Variants in PKIG observed in about 807,000 individuals in gnomAD.
The protein encoded by PKIG is protein kinase (cAMP-dependent, catalytic) inhibitor gamma.
A neutral mutation model predicts 6.8 loss-of-function variants in PKIG; 1 was observed. The ratio of observed to expected loss-of-function variants is 0.15; its 90% confidence interval spans 0.05 to 0.69. PKIG has a LOEUF of 0.69. Ranked by LOEUF, PKIG falls within the 30% of genes least tolerant of loss-of-function variation. The probability of loss-of-function intolerance (pLI) is 0.82; values close to 1 mark genes in which losing one functional copy is unlikely to be tolerated. For missense variants in PKIG, 77 were observed against 104.0 expected, an observed-to-expected ratio of 0.74 and a Z score of 1.13; for synonymous variants, 39 against 43.0, an observed-to-expected ratio of 0.91 and a Z score of 0.36.
At chr20:44,536,271 A>G (rs903601979) in intron 1 of PKIG, among the ~76,000 whole-genome samples, 2 of 152,238 alleles carry the variant, frequency 1.3e-5, no homozygotes, top group Non-Finnish European at 2.9e-5. Context: ...GCAGTGAAAC[A>G]TAAGTGTACT....
intron 3 of PKIG, among the ~76,000 whole-genome samples, 168 bp from the exon 4 acceptor site, chr20:44,618,117 A>T (rs1263983046): frequency 6.6e-6 from 1 of 151,294 alleles, no homozygotes; most frequent in African/African-American, 2.5e-5. Flanking sequence ...AAGATGTTAC[A>T]GACCAGGCTA....
intron 1 of PKIG, among the ~76,000 whole-genome samples, chr20:44,542,538 T>C (rs1568802831): frequency 1.3e-5 from 2 of 152,174 alleles, no homozygotes; most frequent in African/African-American, 4.8e-5. Context: ...TCTCTGCATG[T>C]TATATATGGT....
chr20:44,581,591 T>C (rs2064948753), upstream of PKIG, among the ~76,000 whole-genome samples: 1 of 152,244 alleles, frequency 6.6e-6, no homozygotes. Context: ...TAACCACTGC[T>C]GTTCCATGTT....
At chr20:44,607,852 T>C (rs185501846) in intron 2 of PKIG, among the ~76,000 whole-genome samples, 1 of 151,386 alleles carries the variant, frequency 6.6e-6, no homozygotes, top group South Asian at 2.1e-4. Flanking sequence ...GCCCAGCTAA[T>C]TTTTTGCATT....
intron 2 of PKIG, among the ~76,000 whole-genome samples, chr20:44,602,160 T>A (rs1383795781): frequency 1.3e-5 from 2 of 152,190 alleles, no homozygotes; most frequent in Non-Finnish European, 2.9e-5. Context: ...AAGAAAGAGC[T>A]TCATTCTTTA....
At chr20:44,601,564 G>A (rs369301774) in intron 2 of PKIG, among the ~76,000 whole-genome samples, 33 of 152,296 alleles carry the variant, frequency 2.2e-4, no homozygotes, top group South Asian at 6.2e-4. Context: ...GAGAGAAGCC[G>A]CTACCCTTGA....
rs549166521 is a variant in PKIG at position 44,565,649 on chromosome 20, C to G, written c.-240-16936C>G. On this transcript the variant is annotated intron_variant, in intron 1 of 4. Coordinates refer to the PKIG transcript ENST00000372887. ...TTCTAGTGCAGTTAGATGCAGTTAG[C>G]CCATTCATAATCTTTATATCCTTCA... Among the ~76,000 whole-genome samples, 13 of 152,308 alleles carry G rather than the reference C, an allele frequency of 8.5e-5. No individual in the cohort carries two copies. The East Asian group carries it at 1.7e-3, about 20-fold the overall frequency.
intron 1 of PKIG, among the ~76,000 whole-genome samples, chr20:44,547,763 G>A (rs912729908): frequency 6.6e-6 from 1 of 152,102 alleles, no homozygotes; most frequent in Non-Finnish European, 1.5e-5. Context: ...GGCGGGGCGC[G>A]GTTGCTCATT....
At position 44,566,239 on chromosome 20, in the gene PKIG, G is replaced by C. The variant is rs1312697431; in HGVS notation, c.-240-16346G>C. ...TATGTTCATTTTGTTTACACATTGT[G>C]TGTGGCTGCTTTTGCACTATAGTGG... On this transcript the variant is annotated intron_variant, in intron 1 of 4. Transcript: ENST00000372887. Among the ~76,000 whole-genome samples, 3 of 152,176 alleles carry C rather than the reference G, an allele frequency of 2.0e-5. No individual in the cohort carries two copies. In the East Asian group the frequency reaches 5.8e-4, roughly 29 times the overall value.
At chr20:44,581,441 A>T (rs538346715), upstream of PKIG, among the ~76,000 whole-genome samples, 90 of 152,276 alleles carry the variant, frequency 5.9e-4, no homozygotes, top group South Asian at 3.3e-3. Context: ...GTCAGACAGG[A>T]CTCAGATCCA....
In PKIG at chr20:44,542,718, C is replaced by T. The variant is rs567426459; in HGVS notation, c.-241+10740C>T. On this transcript the variant is annotated intron_variant, in intron 1 of 4. Coordinates refer to the PKIG transcript ENST00000372887. ...AGCAATTCTCCTGCCTCAGCCTCCC[C>T]AGTATCTGGGACTACAGGCATGCGC... Among the ~76,000 whole-genome samples the T allele has an allele frequency of 2.6e-5, 4 of 152,120 alleles. No homozygotes were observed. In the South Asian group the frequency reaches 8.3e-4, roughly 32 times the overall value.
intron 1 of PKIG, among the ~76,000 whole-genome samples, chr20:44,541,929 T>C (rs1249422481): frequency 6.6e-6 from 1 of 152,130 alleles, no homozygotes; most frequent in Non-Finnish European, 1.5e-5. Context: ...CCTCAAATGA[T>C]CCACCCCCCT....
intron 1 of PKIG, among the ~76,000 whole-genome samples, chr20:44,585,613 C>G (rs1316286722): frequency 1.3e-5 from 2 of 152,246 alleles, no homozygotes; most frequent in African/African-American, 4.8e-5. Flanking sequence ...GAATATTTCA[C>G]CATACTGCAG....
intron 1 of PKIG, among the ~76,000 whole-genome samples, chr20:44,539,364 A>G (rs1009882388): frequency 6.6e-6 from 1 of 151,982 alleles, no homozygotes; most frequent in East Asian, 1.9e-4. Context: ...TGTGGGCCAA[A>G]TGCAGCCCAG....
chr20:44,579,433 A>G (rs542276709), upstream of PKIG, among the ~76,000 whole-genome samples: 1 of 152,256 alleles, frequency 6.6e-6, no homozygotes, highest in Non-Finnish European at 1.5e-5. Flanking sequence ...TTGTGGATTC[A>G]GGACTGGCAC....
intron 2 of PKIG, among the ~76,000 whole-genome samples, chr20:44,591,234 G>GT (rs749690617): frequency 7.2e-5 from 11 of 152,146 alleles, no homozygotes; most frequent in Non-Finnish European, 1.5e-4. Flanking sequence ...GGCTTGGGGG[G>GT]TGCAGCACTC....
At chr20:44,569,339 T>C (rs1224823683) in intron 1 of PKIG, among the ~76,000 whole-genome samples, 1 of 152,212 alleles carries the variant, frequency 6.6e-6, no homozygotes, top group East Asian at 1.9e-4. Context: ...TTGTGGTTAG[T>C]GATCACACAG....
intron 1 of PKIG, among the ~76,000 whole-genome samples, chr20:44,558,595 T>C (rs1442930463): frequency 6.6e-6 from 1 of 150,398 alleles, no homozygotes; most frequent in Non-Finnish European, 1.5e-5. Flanking sequence ...TCTTTCTTTC[T>C]TTCTTTCTTT....
At chr20:44,542,648 G>A (rs956386367) in intron 1 of PKIG, among the ~76,000 whole-genome samples, 3 of 151,918 alleles carry the variant, frequency 2.0e-5, no homozygotes, top group African/African-American at 4.8e-5. Context: ...GTGCAGTGGC[G>A]TAATCTTGGC....
Sources: allele counts gnomAD v4.1 joint callset (sites outside exome capture counted in the v4.1 genomes callset), GRCh38; gene constraint gnomAD v4.1.1; transcripts MANE v1.5; gene names NCBI Gene and HGNC (gene_info 2026-07-23, HGNC 2026-07-21).